Variants in TBL1XR1 observed in about 807,000 individuals in gnomAD.
The protein encoded by TBL1XR1 is TBL1X/Y related 1.
Under a neutral mutation model 66.9 loss-of-function variants are expected in TBL1XR1, and 5 were observed. The ratio of observed to expected loss-of-function variants is 0.07; its 90% CI spans 0.04 to 0.16. The LOEUF is 0.16. Ranked by LOEUF, TBL1XR1 falls within the 10% of genes least tolerant of loss-of-function variation. The probability of loss-of-function intolerance (pLI) is 1.00; values close to 1 mark genes in which losing one functional copy is unlikely to be tolerated. For synonymous variants in TBL1XR1, 210 were observed against 206.0 expected (o/e 1.02, Z -0.17); for missense variants, 238 against 623.2 (o/e 0.38, Z 6.58).
intron 2 of TBL1XR1, among the ~76,000 whole-genome samples, chr3:177,084,406 A>T (rs1721871708): frequency 6.6e-6 from 1 of 152,224 alleles, no homozygotes; most frequent in Non-Finnish European, 1.5e-5. Flanking sequence ...GTAGAATCAC[A>T]TATGATGGCT....
At chr3:177,173,532 C>G (rs1169260267) in intron 1 of TBL1XR1, among the ~76,000 whole-genome samples, 1 of 152,080 alleles carries the variant, frequency 6.6e-6, no homozygotes, top group Non-Finnish European at 1.5e-5. Context: ...CTAATCATTA[C>G]AAATATCAGA....
At chr3:177,044,000 T>A (rs529269161) in intron 10 of TBL1XR1, among the ~76,000 whole-genome samples, 1 of 152,270 alleles carries the variant, frequency 6.6e-6, no homozygotes, top group Admixed American at 6.5e-5. Context: ...TAGGTATTAG[T>A]CTGCCCAAAG....
At chr3:177,178,392 C>T (rs1160948909) in intron 1 of TBL1XR1, among the ~76,000 whole-genome samples, 7 of 151,940 alleles carry the variant, frequency 4.6e-5, no homozygotes, top group Non-Finnish European at 7.4e-5. Context: ...TAAGCATTCC[C>T]GGAAAACTTG....
chr3:177,146,462 ATT>A (rs749462597), intron 1 of TBL1XR1, among the ~76,000 whole-genome samples: 4 of 150,638 alleles, frequency 2.7e-5, no homozygotes, highest in African/African-American at 4.9e-5. Flanking sequence ...AATTTTTTGT[ATT>A]TTTAGTAGAG....
At chr3:177,103,501 T>C (rs1724486163) in intron 1 of TBL1XR1, among the ~76,000 whole-genome samples, 1 of 152,224 alleles carries the variant, frequency 6.6e-6, no homozygotes, top group Non-Finnish European at 1.5e-5. Context: ...GCAGACATCT[T>C]CTAAGATCTG....
In TBL1XR1 at chr3:177,056,485, A is replaced by G. The variant is rs991397072; in HGVS notation, c.59-2567T>C. On this transcript the variant is annotated intron_variant, in intron 3 of 15. Transcript: ENST00000457928. ...TGTACTTAGGATGCTCTCAAATAGC[A>G]ATGAAACATCCCTGAAGTAGTCATT... 3.3e-5 allele frequency among the ~76,000 whole-genome samples: 5 copies of G among 152,198 alleles called. No individual in the cohort carries two copies. In the South Asian group the frequency reaches 1.0e-3, roughly 32 times the overall value.
intron 1 of TBL1XR1, among the ~76,000 whole-genome samples, chr3:177,143,005 T>C (rs1291934000): frequency 2.0e-5 from 3 of 151,826 alleles, no homozygotes; most frequent in Non-Finnish European, 4.4e-5. Context: ...TTTTTGCATG[T>C]TTGTGCTTTC....
rs148659524 is a variant in TBL1XR1, at chr3:177,024,713, G to GAAAAAAAAAAAAAAA, written c.*770_*784dup. The GAAAAAAAAAAAAAAA allele has an allele frequency of 2.3e-5, 2 of 85,392 alleles. No homozygotes were observed. Among genetic ancestry groups the GAAAAAAAAAAAAAAA allele is most frequent in the African/African-American group, 4.2e-5 (1 of 23,792 alleles). 5.3% of individuals were successfully genotyped at this position (85,392 alleles called of 1,614,324 possible). On this transcript the variant is annotated 3_prime_UTR_variant, in exon 16 of 16. Coordinates refer to ENST00000457928, the MANE Select transcript of TBL1XR1 (RefSeq NM_024665.7). ...AGCCACATCACCAAAAAACAAAAAA[G>GAAAAAAAAAAAAAAA]AAAAAAAAAAAAAAAAAGCAAAACA...
At chr3:177,153,106 G>C (rs1158531493) in intron 1 of TBL1XR1, among the ~76,000 whole-genome samples, 2 of 152,124 alleles carry the variant, frequency 1.3e-5, no homozygotes, top group Non-Finnish European at 2.9e-5. Context: ...CTGCACTCTA[G>C]CCTGGGCAAC....
intron 3 of TBL1XR1, among the ~76,000 whole-genome samples, chr3:177,063,276 T>C (rs1026517901): frequency 6.6e-6 from 1 of 152,208 alleles, no homozygotes; most frequent in African/African-American, 2.4e-5. Flanking sequence ...AGAAAAATAT[T>C]ACTGCTCTCA....
intron 7 of TBL1XR1, among the ~76,000 whole-genome samples, chr3:177,048,255 C>T (rs1716586459): frequency 6.6e-6 from 1 of 152,066 alleles, no homozygotes; most frequent in Non-Finnish European, 1.5e-5. Flanking sequence ...CACCTTGCCT[C>T]GATGAATTGT....
intron 1 of TBL1XR1, among the ~76,000 whole-genome samples, chr3:177,140,161 C>T (rs1472629612): frequency 3.3e-5 from 5 of 152,052 alleles, no homozygotes; most frequent in Non-Finnish European, 7.4e-5. Context: ...ATTAGCTGGG[C>T]GTGGTGGCAC....
At chr3:177,134,879 AAAT>A (rs1305800959) in intron 1 of TBL1XR1, among the ~76,000 whole-genome samples, 1 of 152,130 alleles carries the variant, frequency 6.6e-6, no homozygotes, top group Admixed American at 6.5e-5. Context: ...TATACAGTAA[AAAT>A]AATGATGGAT....
chr3:177,086,154 C>T (rs1464342944), intron 2 of TBL1XR1, among the ~76,000 whole-genome samples: 1 of 149,730 alleles, frequency 6.7e-6, no homozygotes, highest in Admixed American at 6.7e-5. Context: ...CTAGTAGCCA[C>T]ATGAAAAAGT....
intron 1 of TBL1XR1, among the ~76,000 whole-genome samples, chr3:177,116,379 C>A (rs953321914): frequency 3.9e-5 from 6 of 152,224 alleles, no homozygotes; most frequent in African/African-American, 1.4e-4. Flanking sequence ...TGTAAGTAAG[C>A]ACTAAGCACC....
At chr3:177,110,678 C>G (rs1725446224) in intron 1 of TBL1XR1, 1 of 152,042 alleles carries the variant, frequency 6.6e-6, no homozygotes, top group Non-Finnish European at 1.5e-5. Flanking sequence ...CTTATGCCTA[C>G]TATTGTACCT....
At chr3:177,116,670 G>A (rs573780494) in intron 1 of TBL1XR1, among the ~76,000 whole-genome samples, 15 of 152,064 alleles carry the variant, frequency 9.9e-5, no homozygotes, top group Middle Eastern at 3.2e-3. Flanking sequence ...CTTCCACTGA[G>A]AATCAAACAA....
chr3:177,070,075 C>T (rs1719767734), intron 2 of TBL1XR1, among the ~76,000 whole-genome samples: 1 of 152,200 alleles, frequency 6.6e-6, no homozygotes, highest in African/African-American at 2.4e-5. Context: ...GGAACACTGA[C>T]TCATAATCTC....
intron 1 of TBL1XR1, among the ~76,000 whole-genome samples, chr3:177,165,483 A>T (rs553567035): frequency 2.0e-4 from 31 of 152,326 alleles, no homozygotes; most frequent in African/African-American, 7.5e-4. Flanking sequence ...GGATATCAAC[A>T]AACTTAAGTC....
Sources: gnomAD v4.1 joint callset for allele counts (sites outside exome capture counted in the v4.1 genomes callset) on GRCh38, gnomAD v4.1.1 for gene constraint, MANE v1.5 for transcripts, NCBI Gene and HGNC (gene_info 2026-07-23, HGNC 2026-07-21) for gene names.